NCOA3: variants seen among roughly 807,000 people sequenced by gnomAD.
The protein encoded by NCOA3 is nuclear receptor coactivator 3, also known as CBP-interacting protein.
A neutral mutation model predicts 158.8 loss-of-function variants in NCOA3; 51 were observed. The observed-to-expected ratio is 0.32, with a 90% CI of 0.26 to 0.41. NCOA3 has a LOEUF of 0.41. NCOA3 is among the 10% of genes least tolerant of loss of function. The pLI is 1.00. For missense variants in NCOA3, 1,510 were observed against 1,746.6 expected, an observed-to-expected ratio of 0.86 and a Z score of 2.41; for synonymous variants, 537 against 592.4, an observed-to-expected ratio of 0.91 and a Z score of 1.36.
chr20:47,601,732 A>C (rs1298778402), intron 2 of NCOA3, among the ~76,000 whole-genome samples: 1 of 152,208 alleles, frequency 6.6e-6, no homozygotes, highest in East Asian at 1.9e-4. Context: ...CATTATTTAG[A>C]AGTTGATATT....
At chr20:47,564,169 T>G (rs1315417390) in intron 1 of NCOA3, among the ~76,000 whole-genome samples, 2 of 151,486 alleles carry the variant, frequency 1.3e-5, no homozygotes, top group Admixed American at 1.3e-4. Flanking sequence ...AAAAAAAAAA[T>G]TTATGCACCT....
intron 1 of NCOA3, among the ~76,000 whole-genome samples, chr20:47,535,553 G>A (rs2084618630): frequency 1.3e-5 from 2 of 151,752 alleles, no homozygotes; most frequent in African/African-American, 4.8e-5. Flanking sequence ...CTGTTGCCAG[G>A]CTGGGGTGCA....
intron 2 of NCOA3, among the ~76,000 whole-genome samples, chr20:47,611,740 C>T (rs1351974378): frequency 3.9e-5 from 6 of 152,022 alleles, no homozygotes; most frequent in East Asian, 1.9e-4. Context: ...TTTAGTAAGC[C>T]GAGATTGCGC....
chr20:47,571,744 G>A (rs1376718688), intron 1 of NCOA3, among the ~76,000 whole-genome samples: 4 of 151,886 alleles, frequency 2.6e-5, no homozygotes, highest in East Asian at 1.9e-4. Context: ...GACAGGGTCT[G>A]CCTCTGTCAC....
At chr20:47,564,731 A>G (rs550242199) in intron 1 of NCOA3, among the ~76,000 whole-genome samples, 2 of 151,972 alleles carry the variant, frequency 1.3e-5, no homozygotes, top group East Asian at 1.9e-4. Flanking sequence ...CCACAATACC[A>G]TTTTCTTTAT....
chr20:47,601,717 G>T (rs925314726), intron 2 of NCOA3, among the ~76,000 whole-genome samples: 2 of 152,094 alleles, frequency 1.3e-5, no homozygotes, highest in African/African-American at 4.8e-5. Context: ...AACATATAAA[G>T]CCTGCATTAT....
At chr20:47,632,141 C>T (rs1220823414) in intron 8 of NCOA3, among the ~76,000 whole-genome samples, 2 of 152,206 alleles carry the variant, frequency 1.3e-5, no homozygotes, top group African/African-American at 4.8e-5. Flanking sequence ...TTCTGATCCT[C>T]TCCTTAGGTT....
intron 1 of NCOA3, among the ~76,000 whole-genome samples, chr20:47,543,970 T>TA (rs149973050): frequency 6.6e-6 from 1 of 151,608 alleles, no homozygotes; most frequent in South Asian, 2.1e-4. Flanking sequence ...TCTCAAAGTT[T>TA]AAAAAAAAAC....
At chr20:47,649,131 A>T in intron 19 of NCOA3, 22 bp downstream of exon 19, 1 of 1,502,550 alleles carries the variant, frequency 6.7e-7, no homozygotes, top group South Asian at 1.1e-5. Context: ...AAGCCTCTCC[A>T]CATGCATTGC....
Position 47,636,421 on chromosome 20 carries a change from C to G in NCOA3, c.2035C>G (p.Gln679Glu), listed in dbSNP as rs764401482. 1 of 1,614,098 alleles carries G rather than the reference C, an allele frequency of 6.2e-7. No individual in the cohort carries two copies. The change falls in exon 12 of 23, where the codon CAA becomes GAA. Residue 679 changes from glutamine to glutamate, a missense_variant. Gln to Glu is a conservative substitution (Grantham distance 29). Around this residue, in one of 4 missense-constraint regions of NCOA3, gnomAD observed 1,017 missense variants for 1,098.3 expected, o/e 0.93. Coordinates refer to ENST00000371998, the MANE Select transcript of NCOA3 (RefSeq NM_181659.3). ...ATCCAATATGCATGGGTCACTGTTA[C>G]AAGAGAAGCACCGGATTTTGCACAA... Reference protein sequence around the residue: ...STSNMHGSLLQEKHRILHKLL... With the variant: ...STSNMHGSLLEEKHRILHKLL...
At chr20:47,615,643 A>T (rs886368326) in intron 2 of NCOA3, among the ~76,000 whole-genome samples, 1 of 152,170 alleles carries the variant, frequency 6.6e-6, no homozygotes, top group African/African-American at 2.4e-5. Flanking sequence ...ACAATTTATT[A>T]TATATTCTGT....
chr20:47,640,744 C>T (rs8122155), intron 16 of NCOA3, among the ~76,000 whole-genome samples: 15,637 of 149,552 alleles, frequency 0.1, 1,036 homozygotes, highest in Middle Eastern at 0.19. Flanking sequence ...AAAAATTAGC[C>T]GGGTGTGGTG....
chr20:47,562,831 T>C (rs2085128940), intron 1 of NCOA3, among the ~76,000 whole-genome samples: 2 of 152,364 alleles, frequency 1.3e-5, no homozygotes, highest in South Asian at 2.1e-4. Context: ...ATATTCTCCA[T>C]ATATCTCTGT....
intron 19 of NCOA3, among the ~76,000 whole-genome samples, chr20:47,649,614 G>T (rs1284774573): frequency 5.3e-5 from 8 of 151,714 alleles, no homozygotes; most frequent in Admixed American, 1.3e-4. Flanking sequence ...GTATTGAGGG[G>T]TTTTTTTAAT....
intron 2 of NCOA3, among the ~76,000 whole-genome samples, chr20:47,620,110 T>G (rs2086212690): frequency 6.6e-6 from 1 of 152,072 alleles, no homozygotes; most frequent in Non-Finnish European, 1.5e-5. Context: ...TTATTCAATT[T>G]ATTATTATTA....
chr20:47,637,816 T>C, intron 13 of NCOA3, 33 bp downstream of exon 13: 1 of 1,532,774 alleles, frequency 6.5e-7, no homozygotes, highest in Non-Finnish European at 8.8e-7. Context: ...TTTTTTTTGC[T>C]GCCTTTGAAA....
intron 1 of NCOA3, among the ~76,000 whole-genome samples, chr20:47,564,407 G>T (rs1160713481): frequency 6.6e-6 from 1 of 151,946 alleles, no homozygotes; most frequent in Non-Finnish European, 1.5e-5. Flanking sequence ...ATTCAGCAAA[G>T]AACTATTGAG....
chr20:47,634,909 C>T, intron 10 of NCOA3, among the ~76,000 whole-genome samples: 1 of 146,278 alleles, frequency 6.8e-6, no homozygotes, highest in African/African-American at 2.6e-5. Context: ...CTTTCTTCTT[C>T]TTCTCTTCTT....
rs1289912365 is a variant in NCOA3 at position 47,651,134 on chromosome 20, A to G, written c.3804A>G (p.Gln1268=). Reference sequence around the variant, plus strand: ...AGCAGCAGCAGCAACAGCAACAGCAACAGCAACAGCAGCAACAGCAGCAAA... The same window carrying G: ...AGCAGCAGCAGCAACAGCAACAGCAGCAGCAACAGCAGCAACAGCAGCAAA... ...QQQQQQQQQQ[Q]QQQQQQQQTQ... is the part of the protein sequence containing the mutation. The change falls in exon 20 of 23, where the codon CAA becomes CAG. Residue 1268 remains glutamine (Q), a synonymous_variant. Coordinates refer to ENST00000371998, the MANE Select transcript of NCOA3 (RefSeq NM_181659.3). 39 of 1,611,910 alleles carry G rather than the reference A, an allele frequency of 2.4e-5. No homozygotes were observed. In the East Asian group the frequency reaches 4.2e-4, roughly 18 times the overall value.
Sources: allele counts gnomAD v4.1 joint callset (sites outside exome capture counted in the v4.1 genomes callset), GRCh38; gene constraint gnomAD v4.1.1; regional missense constraint gnomAD v4.1.1; transcripts MANE v1.5; gene names NCBI Gene and HGNC (gene_info 2026-07-23, HGNC 2026-07-21).